Variants in VSIG1 observed in about 807,000 individuals in gnomAD.
VSIG1 encodes the protein V-set and immunoglobulin domain containing 1.
A neutral mutation model predicts 20.1 loss-of-function variants in VSIG1; 11 were observed. That is an observed-to-expected ratio of 0.55 (90% CI 0.34 to 0.91). The LOEUF (loss-of-function observed/expected upper bound fraction) is 0.91, where lower values mean the gene tolerates loss of function less well. Ranked by LOEUF, VSIG1 falls within the 40% of genes least tolerant of loss-of-function variation. The pLI is 0.02. For synonymous variants in VSIG1, 126 were observed against 116.7 expected (o/e 1.08, Z -0.52); for missense variants, 283 against 298.8 (o/e 0.95, Z 0.39).
At chrX:108,044,463 A>G (rs765057043), upstream of VSIG1, among the ~76,000 whole-genome samples, 1 of 111,995 alleles carries the variant, frequency 8.9e-6, no homozygotes, top group African/African-American at 3.2e-5. Context: ...ACGTTAGCAA[A>G]TACGTGCTAT....
At chrX:108,057,822 G>A (rs1334696260) in intron 1 of VSIG1, among the ~76,000 whole-genome samples, 1 of 110,990 alleles carries the variant, frequency 9.0e-6, no homozygotes, top group African/African-American at 3.3e-5. Flanking sequence ...CCATCATCTA[G>A]AATTTGAGTA....
the VSIG1 span, among the ~76,000 whole-genome samples, chrX:108,023,168 T>G: frequency 8.9e-6 from 1 of 112,498 alleles, no homozygotes; most frequent in Non-Finnish European, 1.9e-5. Context: ...TCAGTGCTTT[T>G]ATTATGAAGG....
At chrX:108,027,100 T>A in the VSIG1 span, among the ~76,000 whole-genome samples, 2 of 111,589 alleles carry the variant, frequency 1.8e-5, no homozygotes, top group Non-Finnish European at 3.8e-5. Flanking sequence ...GCAGTCATTG[T>A]GGAACAGTTT....
In VSIG1 at chrX:108,054,768, G is replaced by A. The variant is rs149174973; in HGVS notation, c.50-3270G>A. ...TTTTTAAAAATGCGTAGAACTGAAT[G>A]CAAATGAAAACACAACATATTGAAA... On this transcript the variant is annotated intron_variant, in intron 1 of 6. Transcript: ENST00000217957. 7.6e-4 allele frequency among the ~76,000 whole-genome samples: 84 copies of A among 109,861 alleles called. 3 individuals carry two copies. In the East Asian group the frequency reaches 0.022, roughly 29 times the overall value.
At chrX:108,043,078 G>A (rs771281815), upstream of VSIG1, among the ~76,000 whole-genome samples, 10 of 111,418 alleles carry the variant, frequency 9.0e-5, no homozygotes, top group African/African-American at 2.6e-4. Context: ...CCAGGGGGCC[G>A]TGAAGGTGGG....
the VSIG1 span, among the ~76,000 whole-genome samples, chrX:108,033,230 C>T: frequency 8.9e-6 from 1 of 112,258 alleles, no homozygotes; most frequent in African/African-American, 3.2e-5. Context: ...CAGGAAGTCA[C>T]ACCAAAAGAG....
intron 5 of VSIG1, among the ~76,000 whole-genome samples, chrX:108,075,295 A>G (rs1238646141): frequency 8.9e-6 from 1 of 111,964 alleles, no homozygotes; most frequent in Non-Finnish European, 1.9e-5. Context: ...AAGAGTTAAG[A>G]GTGGTTGCCT....
At chrX:108,019,175 G>C in the VSIG1 span, among the ~76,000 whole-genome samples, 1 of 111,953 alleles carries the variant, frequency 8.9e-6, no homozygotes, top group African/African-American at 3.3e-5. Context: ...GGTTGAGAGG[G>C]CTGGTGCCCA....
chrX:108,045,704 T>C (rs1233530604), intron 1 of VSIG1, among the ~76,000 whole-genome samples: 2 of 112,254 alleles, frequency 1.8e-5, no homozygotes, highest in East Asian at 5.6e-4. Context: ...ATGTGAGTGA[T>C]TTATGGTGCA....
Position 108,077,481 on chromosome X carries a change from C to A in VSIG1, c.*100C>A. The A allele has an allele frequency of 2.0e-6, 2 of 985,814 alleles. No individual in the cohort carries two copies. Among genetic ancestry groups the A allele is most frequent in the Non-Finnish European group, 2.8e-6 (2 of 721,786 alleles). 81.2% of individuals were successfully genotyped at this position (985,814 alleles called of 1,213,427 possible). On this transcript the variant is annotated 3_prime_UTR_variant, in exon 7 of 7. Transcript: ENST00000217957. ...CCTCCACCTCCTCCTTCCATTTTGA[C>A]CAACCTTCTTCTAACAAGGTGCTCA...
the VSIG1 span, among the ~76,000 whole-genome samples, chrX:108,029,078 G>A: frequency 8.9e-6 from 1 of 112,142 alleles, no homozygotes; most frequent in Non-Finnish European, 1.9e-5. Flanking sequence ...AATAAAATAT[G>A]GGAAGTGCAG....
intron 2 of VSIG1, among the ~76,000 whole-genome samples, chrX:108,059,788 A>G (rs1829911023): frequency 8.9e-6 from 1 of 112,595 alleles, no homozygotes; most frequent in African/African-American, 3.2e-5. Context: ...TCTTGTCAAC[A>G]CATTCTTTAT....
chrX:108,022,234 T>C, the VSIG1 span, among the ~76,000 whole-genome samples: 19 of 112,093 alleles, frequency 1.7e-4, no homozygotes, highest in African/African-American at 6.2e-4. Context: ...TCAACAAGTG[T>C]TGTAGTTTTC....
the VSIG1 span, among the ~76,000 whole-genome samples, chrX:108,021,461 A>C: frequency 8.9e-6 from 1 of 112,355 alleles, no homozygotes; most frequent in Admixed American, 9.4e-5. Flanking sequence ...ATACTAGACC[A>C]TTATCAGATA....
chrX:108,053,318 T>C (rs2030823804), intron 1 of VSIG1, among the ~76,000 whole-genome samples: 1 of 111,656 alleles, frequency 9.0e-6, no homozygotes, highest in Non-Finnish European at 1.9e-5. Flanking sequence ...TTTTATACTC[T>C]AGACAATGAT....
intron 1 of VSIG1, among the ~76,000 whole-genome samples, chrX:108,049,624 C>T (rs934854897): frequency 8.0e-5 from 9 of 111,905 alleles, no homozygotes; most frequent in African/African-American, 2.9e-4. Flanking sequence ...TAACCAATCT[C>T]GTAACAGATA....
At chrX:108,038,275 G>A in the VSIG1 span, among the ~76,000 whole-genome samples, 1 of 110,629 alleles carries the variant, frequency 9.0e-6, no homozygotes, top group Admixed American at 9.6e-5. Context: ...TGACAGGCCC[G>A]GTGTGTGTTG....
intron 1 of VSIG1, among the ~76,000 whole-genome samples, chrX:108,047,903 T>TATATATATATATACAC (rs1555980337): frequency 5.8e-5 from 1 of 17,388 alleles, no homozygotes; most frequent in Non-Finnish European, 8.1e-5. Context: ...TATATATATA[T>TATATATATATATACAC]ACACATATAT....
chrX:108,035,879 C>T, the VSIG1 span, among the ~76,000 whole-genome samples: 1 of 107,742 alleles, frequency 9.3e-6, no homozygotes, highest in East Asian at 2.9e-4. Flanking sequence ...GCTTTGGAGC[C>T]GTCCCACCTG....
Sources: allele counts gnomAD v4.1 joint callset (sites outside exome capture counted in the v4.1 genomes callset), GRCh38; gene constraint gnomAD v4.1.1; transcripts MANE v1.5; gene names NCBI Gene and HGNC (gene_info 2026-07-23, HGNC 2026-07-21).